Variants in KIAA0232 observed in about 807,000 individuals in gnomAD.
KIAA0232 encodes the protein uncharacterized protein KIAA0232.
Under a neutral mutation model 122.0 loss-of-function variants are expected in KIAA0232, and 27 were observed. The ratio of observed to expected loss-of-function variants is 0.22; its 90% confidence interval spans 0.16 to 0.31. The LOEUF is 0.31. KIAA0232 is among the 10% of genes least tolerant of loss of function. The pLI, the probability that KIAA0232 is intolerant of heterozygous loss-of-function variation, is 1.00. For synonymous variants in KIAA0232, 613 were observed against 587.6 expected (o/e 1.04, Z -0.63); for missense variants, 1,551 against 1,634.2 (o/e 0.95, Z 0.88).
chr4:6,811,772 T>A (rs866255986), intron 2 of KIAA0232, among the ~76,000 whole-genome samples: 27 of 118,626 alleles, frequency 2.3e-4, no homozygotes, highest in South Asian at 2.0e-3. Context: ...TTTTTTTTTT[T>A]AAGATATAAA....
intron 1 of KIAA0232, among the ~76,000 whole-genome samples, chr4:6,790,216 T>A (rs977956558): frequency 9.9e-5 from 15 of 152,162 alleles, no homozygotes; most frequent in African/African-American, 3.6e-4. Context: ...CCCTAAGTGC[T>A]TACCTGTTGC....
chr4:6,790,680 A>G (rs1156282543), intron 1 of KIAA0232, among the ~76,000 whole-genome samples: 1 of 151,292 alleles, frequency 6.6e-6, no homozygotes, highest in Non-Finnish European at 1.5e-5. Flanking sequence ...CCACCATGCC[A>G]GGCAAGCCCT....
At chr4:6,803,204 C>CATATATATATATATATAT (rs34234535) in intron 1 of KIAA0232, among the ~76,000 whole-genome samples, 2 of 141,568 alleles carry the variant, frequency 1.4e-5, no homozygotes, top group African/African-American at 5.2e-5. Flanking sequence ...AAAATGAGTG[C>CATATATATATATATATAT]ATATATATAT....
At chr4:6,848,755 A>T (rs913432870) in intron 4 of KIAA0232, among the ~76,000 whole-genome samples, 4 of 152,220 alleles carry the variant, frequency 2.6e-5, no homozygotes, top group African/African-American at 9.7e-5. Flanking sequence ...GATAACATTT[A>T]TTGAGCACTT....
intron 1 of KIAA0232, among the ~76,000 whole-genome samples, chr4:6,803,899 GA>G (rs1424146894): frequency 1.3e-5 from 2 of 152,208 alleles, no homozygotes; most frequent in Admixed American, 1.3e-4. Context: ...GGGCTCTACA[GA>G]TAGTCATTTT....
At chr4:6,856,646 G>A (rs1720584772) in intron 4 of KIAA0232, among the ~76,000 whole-genome samples, 1 of 150,364 alleles carries the variant, frequency 6.7e-6, no homozygotes. Flanking sequence ...CTGGACTTCT[G>A]TTGTTTTAAT....
intron 2 of KIAA0232, among the ~76,000 whole-genome samples, chr4:6,807,750 C>T (rs1028087234): frequency 1.3e-5 from 2 of 152,230 alleles, no homozygotes; most frequent in Non-Finnish European, 2.9e-5. Flanking sequence ...GCATTATCTT[C>T]AGTTCCAAAT....
chr4:6,852,566 G>A (rs1268313712), intron 4 of KIAA0232, among the ~76,000 whole-genome samples: 1 of 152,162 alleles, frequency 6.6e-6, no homozygotes, highest in Admixed American at 6.5e-5. Context: ...CTGAAAAACT[G>A]TAAAAGAGCT....
At chr4:6,805,928 T>A (rs993911808) in intron 2 of KIAA0232, among the ~76,000 whole-genome samples, 1 of 152,196 alleles carries the variant, frequency 6.6e-6, no homozygotes, top group African/African-American at 2.4e-5. Context: ...CCAACAATTT[T>A]TCCAAAAGCT....
chr4:6,813,360 T>G (rs908647742), intron 2 of KIAA0232, among the ~76,000 whole-genome samples: 13 of 151,862 alleles, frequency 8.6e-5, no homozygotes, highest in East Asian at 1.9e-4. Flanking sequence ...TGTTTTTTTT[T>G]TTTTGTTTTT....
chr4:6,865,571 G>A (rs1385558517), intron 7 of KIAA0232, among the ~76,000 whole-genome samples: 1 of 152,230 alleles, frequency 6.6e-6, no homozygotes, highest in Non-Finnish European at 1.5e-5. Context: ...AAAGTGTTGG[G>A]ATTACAGGCG....
chr4:6,865,747 T>C (rs1721142284), intron 7 of KIAA0232, among the ~76,000 whole-genome samples: 1 of 152,182 alleles, frequency 6.6e-6, no homozygotes, highest in Non-Finnish European at 1.5e-5. Context: ...ATGAGACTTA[T>C]TTCATATACC....
intron 1 of KIAA0232, among the ~76,000 whole-genome samples, chr4:6,803,233 T>C (rs1047572691): frequency 3.3e-5 from 5 of 149,788 alleles, no homozygotes; most frequent in African/African-American, 1.2e-4. Context: ...ATATATGGAC[T>C]TTCTCATATA....
At chr4:6,790,163 T>C (rs1560158344) in intron 1 of KIAA0232, among the ~76,000 whole-genome samples, 1 of 152,216 alleles carries the variant, frequency 6.6e-6, no homozygotes, top group East Asian at 1.9e-4. Context: ...ACTTCCTCTT[T>C]GGTATTTGGA....
At chr4:6,828,668 T>C (rs554744785) in intron 3 of KIAA0232, among the ~76,000 whole-genome samples, 2 of 152,354 alleles carry the variant, frequency 1.3e-5, no homozygotes, top group East Asian at 1.9e-4. Flanking sequence ...TTTTGAAATA[T>C]ACAATAAATA....
rs748735978 is a variant in KIAA0232 at position 6,863,460 on chromosome 4, C to T, written c.3078C>T (p.Gly1026=). Residue 1026 remains glycine, a synonymous_variant, in exon 7 of 10, where the codon GGC becomes GGT. Coordinates refer to ENST00000307659, the MANE Select transcript of KIAA0232 (RefSeq NM_014743.3). ...ATGAAGACTTACTAGGAGCTTGTGG[C>T]AACTTTCAAGTCGAAGATCCTGGAC... ...IFHEDLLGAC[G]NFQVEDPGLE... 7.4e-6 allele frequency: 12 copies of T among 1,614,006 alleles called. No homozygotes were observed. Among genetic ancestry groups the T allele is most frequent in the Admixed American group, 5.0e-5 (3 of 59,992 alleles).
chr4:6,810,687 G>C (rs1184786315), intron 2 of KIAA0232, among the ~76,000 whole-genome samples: 2 of 152,160 alleles, frequency 1.3e-5, no homozygotes, highest in African/African-American at 4.8e-5. Context: ...TTATCTGATA[G>C]GGAACTGATA....
At chr4:6,872,320 C>T (rs966767818) in intron 8 of KIAA0232, among the ~76,000 whole-genome samples, 11 of 152,018 alleles carry the variant, frequency 7.2e-5, no homozygotes, top group Admixed American at 3.9e-4. Context: ...GCAATCAAAG[C>T]GGGGACAGAG....
chr4:6,871,125 C>T (rs987297546), intron 7 of KIAA0232, among the ~76,000 whole-genome samples: 7 of 152,006 alleles, frequency 4.6e-5, no homozygotes, highest in Non-Finnish European at 1.5e-5. Flanking sequence ...CACTTTTTTT[C>T]AGAACATTAT....
Sources: gnomAD v4.1 joint callset for allele counts (sites outside exome capture counted in the v4.1 genomes callset) on GRCh38, gnomAD v4.1.1 for gene constraint, MANE v1.5 for transcripts, NCBI Gene and HGNC (gene_info 2026-07-23, HGNC 2026-07-21) for gene names.